The following BMP1 variants were observed in gnomAD, a reference collection of about 807,000 sequenced individuals.
BMP1 encodes the protein mammalian tolloid protein.
A neutral mutation model predicts 116.8 loss-of-function variants in BMP1; 63 were observed. The ratio of observed to expected loss-of-function variants is 0.54; its 90% CI spans 0.44 to 0.67. The LOEUF is 0.67. BMP1 is among the 30% of genes least tolerant of loss of function. The pLI, the probability that BMP1 is intolerant of heterozygous loss-of-function variation, is 0.00. For synonymous variants in BMP1, 536 were observed against 533.4 expected, an observed-to-expected ratio of 1.00 and a Z score of -0.07; for missense variants, 1,183 against 1,358.9, an observed-to-expected ratio of 0.87 and a Z score of 2.04.
At chr8:22,180,159 G>C (rs563391300) in intron 7 of BMP1, among the ~76,000 whole-genome samples, 2 of 152,196 alleles carry the variant, frequency 1.3e-5, no homozygotes, top group African/African-American at 4.8e-5. Context: ...TTCACAAACA[G>C]GGCAGCACTG....
intron 8 of BMP1, among the ~76,000 whole-genome samples, chr8:22,189,211 T>C (rs1427666018): frequency 6.6e-6 from 1 of 152,104 alleles, no homozygotes; most frequent in Non-Finnish European, 1.5e-5. Flanking sequence ...TATGTGCATG[T>C]AAGCATGGAT....
intron 16 of BMP1, among the ~76,000 whole-genome samples, chr8:22,205,948 G>C (rs568280335): frequency 2.0e-5 from 3 of 151,998 alleles, no homozygotes; most frequent in Non-Finnish European, 2.9e-5. Context: ...TGGGTGGACC[G>C]TTATATGTCT....
chr8:22,193,452 G>C (rs7837272), intron 9 of BMP1, among the ~76,000 whole-genome samples: 9,788 of 152,262 alleles, frequency 0.064, 842 homozygotes, highest in African/African-American at 0.2. Context: ...ATGCTCTTTA[G>C]AAAGGTAAAT....
At chr8:22,166,030 G>A (rs1828095590) in intron 1 of BMP1, among the ~76,000 whole-genome samples, 2 of 151,910 alleles carry the variant, frequency 1.3e-5, no homozygotes, top group African/African-American at 2.4e-5. Flanking sequence ...GATCTGGGAG[G>A]CCTGAGTCTC....
chr8:22,184,997 A>G (rs1828725231), intron 8 of BMP1, among the ~76,000 whole-genome samples: 1 of 152,192 alleles, frequency 6.6e-6, no homozygotes, highest in Non-Finnish European at 1.5e-5. Context: ...TATATAATTG[A>G]TTCTGCCTGT....
intron 13 of BMP1, chr8:22,196,425 C>T: frequency 1.7e-6 from 1 of 605,154 alleles, no homozygotes; most frequent in South Asian, 1.9e-5. Context: ...TTGGCCTGTT[C>T]ATTTGCAGAG....
At chr8:22,177,521 C>A in intron 5 of BMP1, 2 of 716,752 alleles carry the variant, frequency 2.8e-6, no homozygotes, top group Non-Finnish European at 5.2e-6. Flanking sequence ...CTCTCATTTT[C>A]TCGATGTCTC....
chr8:22,201,444 T>C lies in BMP1; in HGVS notation c.2108-359T>C, dbSNP rs786205217. 12 of 1,408,594 alleles carry C rather than the reference T, an allele frequency of 8.5e-6. No individual in the cohort carries two copies. Among genetic ancestry groups the C allele is most frequent in the Non-Finnish European group, 1.1e-5 (12 of 1,087,502 alleles). 87.3% of individuals were successfully genotyped at this position (1,408,594 alleles called of 1,614,324 possible). A position where few individuals can be genotyped will look rare whatever the true frequency, so the allele number is the denominator to read the frequency against. On this transcript the variant is annotated intron_variant, in intron 15 of 19. Transcript: ENST00000306385. ...GTCTGTGACATTTCCTGTTGTGAAG[T>C]AAAAGAGGGACCCCTGCGTCCTGCT... is the stretch of plus-strand genomic sequence containing the variant.
chr8:22,202,689 CTTTTAAACAGGT>C (rs1232985109), intron 16 of BMP1, among the ~76,000 whole-genome samples: 1 of 152,244 alleles, frequency 6.6e-6, no homozygotes, highest in Non-Finnish European at 1.5e-5. Flanking sequence ...CTCTATTTTA[CTTTTAAACAGGT>C]TTTTAAACTA....
Position 22,201,815 on chromosome 8 carries a change from G to A in BMP1, c.2120G>A (p.Cys707Tyr). The A allele has an allele frequency of 6.2e-7, 1 of 1,613,776 alleles. No individual in the cohort carries two copies. Among genetic ancestry groups the A allele is most frequent in the Non-Finnish European group, 8.5e-7 (1 of 1,179,992 alleles). ...TGCTCCCCTGCAGACAAGGACGAGT[G>A]CTCCAAGGATAACGGCGGCTGCCAG... ...KAHFFSDKDE[C>Y]SKDNGGCQQD... The change falls in exon 16 of 20, where the codon TGC (cysteine) becomes TAC (tyrosine). Residue 707 changes from cysteine to tyrosine, a missense_variant. Transcript: ENST00000306385.
intron 2 of BMP1, among the ~76,000 whole-genome samples, chr8:22,174,627 CTTTTTTTTTT>C (rs57781366): frequency 8.2e-4 from 87 of 106,268 alleles, no homozygotes; most frequent in African/African-American, 3.2e-3. Flanking sequence ...TTTTTTCTGT[CTTTTTTTTTT>C]TTTTTTTTTT....
chr8:22,192,174 GC>G (rs1214029425), intron 9 of BMP1, 23 bp downstream of exon 9: 1 of 1,591,520 alleles, frequency 6.3e-7, no homozygotes, highest in Non-Finnish European at 8.6e-7. Flanking sequence ...GCCACCCCCT[GC>G]CCCCTCCATG....
Position 22,194,877 on chromosome 8 carries a change from G to C in BMP1, c.1597G>C (p.Gly533Arg), listed in dbSNP as rs146615409. Reference protein sequence around the residue: ...SRLWLKFVSDGSINKAGFAVN... With the variant: ...SRLWLKFVSDRSINKAGFAVN... The stretch of plus-strand genomic sequence containing the variant: ...CCTCTGGCTCAAGTTCGTCTCTGAC[G>C]GGTCCATTAACAAAGCGGGCTTTGC... The change falls in exon 12 of 20, where the codon GGG becomes CGG. Residue 533 changes from glycine to arginine, a missense_variant. Transcript: ENST00000306385. This position sits in a 1 kb window ranked among gnomAD's most constrained non-coding sequence, Gnocchi z 4.5. 546 of 1,613,340 alleles carry C rather than the reference G, an allele frequency of 3.4e-4. No individual in the cohort carries two copies. Among genetic ancestry groups the C allele is most frequent in the Non-Finnish European group, 4.3e-4 (507 of 1,179,830 alleles).
intron 1 of BMP1, among the ~76,000 whole-genome samples, chr8:22,166,313 C>T (rs1283811106): frequency 1.3e-5 from 2 of 151,924 alleles, no homozygotes; most frequent in Non-Finnish European, 2.9e-5. Flanking sequence ...TCAGCTCTGT[C>T]ACCCCCGAGA....
Position 22,173,604 on chromosome 8 carries a change from G to C in BMP1, c.151G>C (p.Ala51Pro). ...CTGGCTTCTTCTTTTCTCTTTAGCTGCCTTTCTTGGGGACATTGCCCTGGA... is the reference window on the plus strand; with the variant it reads ...CTGGCTTCTTCTTTTCTCTTTAGCTCCCTTTCTTGGGGACATTGCCCTGGA... ...LNYKDPCKAA[A>P]FLGDIALDEE... Residue 51 changes from alanine (A) to proline (P), a missense_variant and splice_region_variant, in exon 2 of 20, where the codon GCC becomes CCC. By Grantham distance (27) the Ala-to-Pro change is conservative (BLOSUM62 -1). Coordinates refer to ENST00000306385, the MANE Select transcript of BMP1 (RefSeq NM_006129.5). The C allele has an allele frequency of 1.2e-6, 2 of 1,608,748 alleles. No homozygotes were observed. Among genetic ancestry groups the C allele is most frequent in the Non-Finnish European group, 1.7e-6 (2 of 1,177,490 alleles).
At chr8:22,195,885 G>A (rs1829070336) in intron 13 of BMP1, among the ~76,000 whole-genome samples, 1 of 151,998 alleles carries the variant, frequency 6.6e-6, no homozygotes, top group Non-Finnish European at 1.5e-5. Flanking sequence ...CTGGCCTCAA[G>A]TACTCCTCCT....
chr8:22,202,735 G>A (rs1829289562), intron 16 of BMP1, among the ~76,000 whole-genome samples: 1 of 152,126 alleles, frequency 6.6e-6, no homozygotes, highest in Non-Finnish European at 1.5e-5. Flanking sequence ...ATAGGCCAGT[G>A]CGGTGGTTCA....
At position 22,207,478 on chromosome 8, in the gene BMP1, C is replaced by T. The variant is rs752336261; in HGVS notation, c.2537C>T (p.Ser846Leu). The change falls in exon 18 of 20, where the codon TCG becomes TTG. Residue 846 changes from serine (S) to leucine (L), a missense_variant. This residue lies in a region of BMP1 where 956 missense variants were observed against 1,135.2 expected (regional missense o/e 0.84). Transcript: ENST00000306385. ...TTCCTGCGCTTCTACTCAGATAACT[C>T]GGTCCAGCGAAAGGGCTTCCAGGCC... ...RMFLRFYSDNSVQRKGFQASH... is the reference protein window; with the variant it reads ...RMFLRFYSDNLVQRKGFQASH... 8.7e-6 allele frequency: 14 copies of T among 1,613,710 alleles called. No individual in the cohort carries two copies. The highest frequency in any genetic ancestry group is 1.3e-5 in the African/African-American group (1 of 74,950).
chr8:22,187,758 C>A (rs1024845406), intron 8 of BMP1, among the ~76,000 whole-genome samples: 1 of 152,052 alleles, frequency 6.6e-6, no homozygotes, highest in Non-Finnish European at 1.5e-5. Flanking sequence ...ACCAAAAAAT[C>A]TTAAGCAAAC....
Sources: allele counts gnomAD v4.1 joint callset (sites outside exome capture counted in the v4.1 genomes callset), GRCh38; gene constraint gnomAD v4.1.1; regional missense constraint gnomAD v4.1.1; non-coding constraint Gnocchi (gnomAD v3.1); transcripts MANE v1.5; gene names NCBI Gene and HGNC (gene_info 2026-07-23, HGNC 2026-07-21).